The following PHF14 variants were observed in gnomAD, a reference collection of about 807,000 sequenced individuals.
The protein encoded by PHF14 is PHD finger protein 14.
In PHF14, 55 loss-of-function variants were observed where a neutral mutation model predicts 117.9. The ratio of observed to expected loss-of-function variants is 0.47; its 90% confidence interval spans 0.38 to 0.58. The LOEUF (loss-of-function observed/expected upper bound fraction) is 0.58. Among genes scored for constraint, PHF14 ranks in the 20% least tolerant of loss-of-function variants. PHF14 has a pLI of 0.00. For missense variants in PHF14, 978 were observed against 1,122.2 expected, an observed-to-expected ratio of 0.87 and a Z score of 1.84; for synonymous variants, 409 against 368.6, an observed-to-expected ratio of 1.11 and a Z score of -1.26.
At chr7:10,977,061 T>G (rs1043749915) in intron 2 of PHF14, among the ~76,000 whole-genome samples, 1 of 152,084 alleles carries the variant, frequency 6.6e-6, no homozygotes, top group South Asian at 2.1e-4. Flanking sequence ...AGCTGAGATA[T>G]TCGCTTACTC....
chr7:11,165,833 C>T (rs1789186938), intron 17 of PHF14, among the ~76,000 whole-genome samples: 1 of 152,164 alleles, frequency 6.6e-6, no homozygotes, highest in Non-Finnish European at 1.5e-5. Context: ...CAAAATCTTG[C>T]AAGTTTTATT....
chr7:10,993,968 C>G (rs1262760735), intron 4 of PHF14, among the ~76,000 whole-genome samples: 1 of 148,062 alleles, frequency 6.8e-6, no homozygotes, highest in African/African-American at 2.5e-5. Context: ...AAGATTGCGC[C>G]AGTGCACTTT....
At position 11,116,341 on chromosome 7, in the gene PHF14, C is replaced by T. The variant is rs1196908414; in HGVS notation, c.2772+4874C>T. Among the ~76,000 whole-genome samples, 3 of 152,118 alleles carry T rather than the reference C, an allele frequency of 2.0e-5. No homozygotes were observed. In the South Asian group the frequency reaches 6.2e-4, roughly 32 times the overall value. On this transcript the variant is annotated intron_variant, in intron 17 of 17. Coordinates refer to ENST00000634607, the MANE Select transcript of PHF14 (RefSeq NM_001007157.2). ...GAAAACGATATTTAGAAACCAAGAT[C>T]TGGTGTGGTCATTGTTACTGGGATA...
chr7:11,158,710 T>C (rs1788933273), intron 17 of PHF14, among the ~76,000 whole-genome samples: 1 of 152,114 alleles, frequency 6.6e-6, no homozygotes, highest in Non-Finnish European at 1.5e-5. Context: ...TTAGGACTCT[T>C]TCACCTTTAA....
At chr7:10,983,338 T>C (rs1331139691) in intron 3 of PHF14, among the ~76,000 whole-genome samples, 179 bp downstream of exon 3, 1 of 152,212 alleles carries the variant, frequency 6.6e-6, no homozygotes, top group Admixed American at 6.5e-5. Context: ...ATTAAATATC[T>C]ACTATTTGTC....
intron 17 of PHF14, among the ~76,000 whole-genome samples, chr7:11,114,954 C>T (rs1419794039): frequency 6.6e-6 from 1 of 151,950 alleles, no homozygotes; most frequent in Non-Finnish European, 1.5e-5. Context: ...TGTGAAAATC[C>T]TATTGTTAAT....
rs1422348344 is a variant in PHF14, at chr7:11,079,087, G to A, written c.2654+17002G>A. On this transcript the variant is annotated intron_variant, in intron 16 of 17. Coordinates refer to ENST00000634607, the MANE Select transcript of PHF14 (RefSeq NM_001007157.2). ...TTATCCTAAACTAAGATGAATTAAGGTTATCAGTTTTTGAATGAGCTCTAA... is the reference window on the plus strand; with the variant it reads ...TTATCCTAAACTAAGATGAATTAAGATTATCAGTTTTTGAATGAGCTCTAA... Among the ~76,000 whole-genome samples the A allele has an allele frequency of 3.9e-5, 6 of 152,110 alleles. No individual in the cohort carries two copies. The South Asian group carries it at 8.3e-4, about 21-fold the overall frequency.
rs1391771350 is a variant in PHF14 at position 11,169,407 on chromosome 7, A to G, written c.2773-9A>G. On this transcript the variant is annotated splice_polypyrimidine_tract_variant and intron_variant, in intron 17 of 17. Transcript: ENST00000634607. ...TATATTTTAATGTTTTCTAAAATTT[A>G]TTTCACAGGAAGATGAAAATGAAGC... 10 of 1,337,828 alleles carry G rather than the reference A, an allele frequency of 7.5e-6. No individual in the cohort carries two copies. In the Admixed American group the frequency reaches 1.1e-4, roughly 14 times the overall value. 82.9% of individuals were successfully genotyped at this position (1,337,828 alleles called of 1,614,324 possible).
At chr7:11,137,011 A>C (rs1264928527) in intron 17 of PHF14, among the ~76,000 whole-genome samples, 1 of 152,260 alleles carries the variant, frequency 6.6e-6, no homozygotes, top group African/African-American at 2.4e-5. Flanking sequence ...GACATATGCT[A>C]CGCATTTTCA....
At chr7:11,005,560 T>C (rs1783052411) in intron 4 of PHF14, among the ~76,000 whole-genome samples, 1 of 152,202 alleles carries the variant, frequency 6.6e-6, no homozygotes, top group Admixed American at 6.5e-5. Context: ...ATCCCTAAGA[T>C]ATTTTTCTAC....
intron 4 of PHF14, among the ~76,000 whole-genome samples, chr7:11,009,005 C>T (rs1158630970): frequency 7.1e-6 from 1 of 141,646 alleles, no homozygotes; most frequent in Non-Finnish European, 1.5e-5. Flanking sequence ...CACTGTACTC[C>T]AGCCTGGGCG....
chr7:11,132,261 C>G (rs1343708456), intron 17 of PHF14, among the ~76,000 whole-genome samples: 1 of 151,162 alleles, frequency 6.6e-6, no homozygotes, highest in Non-Finnish European at 1.5e-5. Flanking sequence ...CCATTTTCTT[C>G]CCACTGATAA....
At chr7:11,034,754 G>C (rs1453135875) in intron 7 of PHF14, among the ~76,000 whole-genome samples, 3 of 151,506 alleles carry the variant, frequency 2.0e-5, no homozygotes, top group African/African-American at 7.3e-5. Flanking sequence ...TTGCCGTGTT[G>C]GCCAGGCTAG....
chr7:10,994,953 C>G (rs1255165016), intron 4 of PHF14, among the ~76,000 whole-genome samples: 1 of 152,218 alleles, frequency 6.6e-6, no homozygotes, highest in Non-Finnish European at 1.5e-5. Context: ...CTCTTATCCC[C>G]TTCTCTGGCC....
At chr7:11,106,261 A>C in intron 16 of PHF14, 2 of 968,174 alleles carry the variant, frequency 2.1e-6, no homozygotes, top group Non-Finnish European at 2.5e-6. Context: ...AATTTTTTAA[A>C]ATTAATTTTT....
intron 17 of PHF14, among the ~76,000 whole-genome samples, chr7:11,134,735 A>G (rs1307374859): frequency 6.6e-6 from 1 of 152,052 alleles, no homozygotes; most frequent in Non-Finnish European, 1.5e-5. Flanking sequence ...AATTATCGTA[A>G]TCTTGTCATT....
chr7:11,113,748 A>G (rs984521257), intron 17 of PHF14, among the ~76,000 whole-genome samples: 1 of 152,110 alleles, frequency 6.6e-6, no homozygotes, highest in African/African-American at 2.4e-5. Context: ...ACCAGTGGGT[A>G]GTAAATTTCT....
rs115805856 is a variant in PHF14 at position 11,148,042 on chromosome 7, T to C, written c.2773-21374T>C. Among the ~76,000 whole-genome samples the C allele has an allele frequency of 3.9e-3, 587 of 152,286 alleles. 6 individuals carry two copies. The highest frequency in any genetic ancestry group is 0.013 in the African/African-American group (561 of 41,564). ...GCAGTGTAATCATTCCTAATTACTTTCTTTTGTTTAATTCCAAAGCATATC... is the reference window on the plus strand; with the variant it reads ...GCAGTGTAATCATTCCTAATTACTTCCTTTTGTTTAATTCCAAAGCATATC... On this transcript the variant is annotated intron_variant, in intron 17 of 17. Transcript: ENST00000634607.
chr7:11,063,011 G>C, intron 16 of PHF14: 1 of 786,276 alleles, frequency 1.3e-6, no homozygotes, highest in Non-Finnish European at 1.5e-6. Flanking sequence ...ATATATTAGT[G>C]TTGTTGTATG....
Sources: gnomAD v4.1 joint callset for allele counts (sites outside exome capture counted in the v4.1 genomes callset) on GRCh38, gnomAD v4.1.1 for gene constraint, MANE v1.5 for transcripts, NCBI Gene and HGNC (gene_info 2026-07-23, HGNC 2026-07-21) for gene names.